The following TNRC6B variants were observed in gnomAD, a reference collection of about 807,000 sequenced individuals.
TNRC6B encodes the protein trinucleotide repeat containing adaptor 6B, also known as trinucleotide repeat-containing gene 6B protein.
Under a neutral mutation model 203.6 loss-of-function variants are expected in TNRC6B, and 52 were observed. That is an observed-to-expected ratio of 0.26 (90% CI 0.20 to 0.32). The LOEUF (loss-of-function observed/expected upper bound fraction) is 0.32, where lower values mean the gene tolerates loss of function less well. Ranked by LOEUF, TNRC6B falls within the 10% of genes least tolerant of loss-of-function variation. TNRC6B has a pLI of 1.00. For missense variants in TNRC6B, 1,923 were observed against 2,286.2 expected, an observed-to-expected ratio of 0.84 and a Z score of 3.24; for synonymous variants, 838 against 845.7, an observed-to-expected ratio of 0.99 and a Z score of 0.16.
intron 4 of TNRC6B, among the ~76,000 whole-genome samples, chr22:40,161,951 C>T (rs1194179148): frequency 6.6e-6 from 1 of 152,152 alleles, no homozygotes; most frequent in Non-Finnish European, 1.5e-5. Flanking sequence ...TAAGCAGGTA[C>T]TTGCTCATAG....
At chr22:40,243,433 A>G (rs879342854) in intron 1 of TNRC6B, among the ~76,000 whole-genome samples, 2 of 152,192 alleles carry the variant, frequency 1.3e-5, no homozygotes, top group Non-Finnish European at 2.9e-5. Flanking sequence ...GCTTTGAAAT[A>G]TATCTGTTTT....
chr22:40,182,346 G>C (rs528153588), intron 1 of TNRC6B, among the ~76,000 whole-genome samples: 12 of 152,340 alleles, frequency 7.9e-5, no homozygotes, highest in Admixed American at 1.3e-4. Flanking sequence ...ACTTGTTTCT[G>C]TCTGGTGGCT....
chr22:40,300,614 T>G (rs1027758386), intron 13 of TNRC6B, 28 bp downstream of exon 13: 3 of 1,582,886 alleles, frequency 1.9e-6, no homozygotes, highest in African/African-American at 2.8e-5. Context: ...TTCCTGTGGC[T>G]AAAAAGGTCA....
At chr22:40,135,446 A>ATTTAG (rs2068591854) in intron 3 of TNRC6B, among the ~76,000 whole-genome samples, 1 of 152,198 alleles carries the variant, frequency 6.6e-6, no homozygotes, top group South Asian at 2.1e-4. Flanking sequence ...GATTAAACAA[A>ATTTAG]TTTATTTTAT....
At chr22:40,318,916 C>T (rs1013084044) in intron 21 of TNRC6B, among the ~76,000 whole-genome samples, 1 of 151,758 alleles carries the variant, frequency 6.6e-6, no homozygotes, top group Non-Finnish European at 1.5e-5. Context: ...ACTAAAAAGA[C>T]AAAAATTAGC....
chr22:40,333,808 A>G lies in TNRC6B; in HGVS notation c.*10567A>G, dbSNP rs890617275. On this transcript the variant is annotated 3_prime_UTR_variant, in exon 23 of 23. Coordinates refer to ENST00000454349, the MANE Select transcript of TNRC6B (RefSeq NM_001162501.2). ...CTTTTAACAAATGCTGCTCATGTGG[A>G]TCTGTCAGCTATTGCTTGCCTAGAT... The G allele has an allele frequency of 1.8e-4, 28 of 152,628 alleles. No individual in the cohort carries two copies. The highest frequency in any genetic ancestry group is 6.5e-4 in the African/African-American group (27 of 41,448). The allele number at this position is 152,628 out of a possible 1,614,324, so 9.5% of individuals were successfully genotyped here.
At chr22:40,259,028 T>C (rs1333776796) in intron 3 of TNRC6B, among the ~76,000 whole-genome samples, 1 of 152,148 alleles carries the variant, frequency 6.6e-6, no homozygotes, top group Non-Finnish European at 1.5e-5. Flanking sequence ...TAAAAACCAG[T>C]TGGGATGAAT....
chr22:40,207,421 AT>A (rs1569020945), intron 1 of TNRC6B, among the ~76,000 whole-genome samples: 127 of 86,326 alleles, frequency 1.5e-3, no homozygotes, highest in African/African-American at 3.5e-3. Context: ...AAAAAAAAAT[AT>A]ATATATATAT....
intron 3 of TNRC6B, among the ~76,000 whole-genome samples, chr22:40,137,341 T>C (rs1354440452): frequency 1.3e-5 from 2 of 152,136 alleles, no homozygotes; most frequent in African/African-American, 4.8e-5. Context: ...ATCATTTGGG[T>C]TGAACTCCAG....
intron 1 of TNRC6B, among the ~76,000 whole-genome samples, chr22:40,190,178 G>C (rs2069253796): frequency 6.6e-6 from 1 of 152,028 alleles, no homozygotes; most frequent in Non-Finnish European, 1.5e-5. Context: ...CTTATTTATT[G>C]ACTACCAAGA....
intron 1 of TNRC6B, among the ~76,000 whole-genome samples, chr22:40,085,377 T>C (rs1042102256): frequency 6.6e-6 from 1 of 152,224 alleles, no homozygotes; most frequent in Non-Finnish European, 1.5e-5. Flanking sequence ...GTTGTTAAAT[T>C]TGGTTTATTT....
At chr22:40,321,262 ACATG>A in intron 22 of TNRC6B, 33 bp downstream of exon 22, 2 of 1,606,234 alleles carry the variant, frequency 1.2e-6, no homozygotes, top group Non-Finnish European at 1.7e-6. Flanking sequence ...ACGTAGACAA[ACATG>A]CATGAAGATG....
intron 1 of TNRC6B, among the ~76,000 whole-genome samples, chr22:40,204,842 A>G (rs2146412507): frequency 6.6e-6 from 1 of 152,298 alleles, no homozygotes; most frequent in East Asian, 1.9e-4. Context: ...AGTGATACCA[A>G]CAGTTCACTA....
intron 16 of TNRC6B, among the ~76,000 whole-genome samples, 158 bp from the exon 17 acceptor site, chr22:40,310,658 TA>T (rs757076294): frequency 6.6e-5 from 10 of 152,222 alleles, no homozygotes; most frequent in Non-Finnish European, 1.3e-4. Flanking sequence ...TGCTGCTTAG[TA>T]ATTCTGTGCT....
At position 40,266,272 on chromosome 22, in the gene TNRC6B, G is replaced by T. The variant is rs746969005; in HGVS notation, c.2042G>T (p.Gly681Val). The change falls in exon 5 of 23, where the codon GGG (glycine) becomes GTG (valine). Residue 681 changes from glycine (G) to valine (V), a missense_variant. Around this residue, in one of 8 missense-constraint regions of TNRC6B, gnomAD observed 599 missense variants for 656.5 expected, o/e 0.91. Transcript: ENST00000454349. The part of the protein sequence containing the change: ...SQSNQMKSGW[G>V]ELSASTEWKD... Reference sequence around the variant, plus strand: ...AGCAATCAAATGAAGTCTGGATGGGGGGAGCTCTCAGCCTCTACAGAGTGG... The same window carrying T: ...AGCAATCAAATGAAGTCTGGATGGGTGGAGCTCTCAGCCTCTACAGAGTGG... 18 of 1,593,036 alleles carry T rather than the reference G, an allele frequency of 1.1e-5. No individual in the cohort carries two copies. The highest frequency in any genetic ancestry group is 1.5e-5 in the Non-Finnish European group (18 of 1,169,466).
intron 11 of TNRC6B, among the ~76,000 whole-genome samples, chr22:40,283,400 C>G (rs1203880244): frequency 1.3e-5 from 2 of 152,076 alleles, no homozygotes; most frequent in African/African-American, 4.8e-5. Context: ...GTCTCGAACT[C>G]CTAGCCTCAG....
chr22:40,147,866 A>G (rs1319361550), intron 3 of TNRC6B, among the ~76,000 whole-genome samples: 1 of 152,172 alleles, frequency 6.6e-6, no homozygotes, highest in African/African-American at 2.4e-5. Context: ...TGGGCCTCAG[A>G]AGGAGGATGA....
upstream of TNRC6B, among the ~76,000 whole-genome samples, chr22:40,174,401 G>A (rs571362014): frequency 3.2e-4 from 48 of 151,972 alleles, no homozygotes; most frequent in Middle Eastern, 0.014. Flanking sequence ...AGCTGGTCTC[G>A]AACTCCTGGC....
chr22:40,056,932 C>A (rs1417684935), intron 1 of TNRC6B, among the ~76,000 whole-genome samples: 1 of 152,180 alleles, frequency 6.6e-6, no homozygotes, highest in Non-Finnish European at 1.5e-5. Context: ...CCACCAGATT[C>A]CTCCCATGGG....
Sources: allele counts gnomAD v4.1 joint callset (sites outside exome capture counted in the v4.1 genomes callset), GRCh38; gene constraint gnomAD v4.1.1; regional missense constraint gnomAD v4.1.1; transcripts MANE v1.5; gene names NCBI Gene and HGNC (gene_info 2026-07-23, HGNC 2026-07-21).